The following NELL2 variants were observed in gnomAD, a reference collection of about 807,000 sequenced individuals.
NELL2 encodes the protein neural EGFL like 2, also known as protein kinase C-binding protein NELL2.
In NELL2, 41 loss-of-function variants were observed where a neutral mutation model predicts 109.6. The observed-to-expected ratio is 0.37, with a 90% CI of 0.29 to 0.49. The LOEUF (loss-of-function observed/expected upper bound fraction) is 0.49, where lower values mean the gene tolerates loss of function less well. Ranked by LOEUF, NELL2 falls within the 20% of genes least tolerant of loss-of-function variation. NELL2 has a pLI of 0.98. For missense variants in NELL2, 900 were observed against 1,008.3 expected, an observed-to-expected ratio of 0.89 and a Z score of 1.45; for synonymous variants, 355 against 344.7, an observed-to-expected ratio of 1.03 and a Z score of -0.33.
intron 2 of NELL2, among the ~76,000 whole-genome samples, chr12:44,828,514 T>C (rs1566485860): frequency 6.6e-6 from 1 of 152,224 alleles, no homozygotes; most frequent in Non-Finnish European, 1.5e-5. Flanking sequence ...AAAATGTGTG[T>C]TGGCTTAATG....
At chr12:44,565,964 C>T (rs1251819897) in intron 15 of NELL2, among the ~76,000 whole-genome samples, 1 of 152,038 alleles carries the variant, frequency 6.6e-6, no homozygotes, top group Non-Finnish European at 1.5e-5. Flanking sequence ...GATTGGTCTC[C>T]TCTGAATTTG....
Position 44,532,573 on chromosome 12 carries a change from G to A in NELL2, c.1804+8C>T, listed in dbSNP as rs1052336169. On this transcript the variant is annotated splice_region_variant and intron_variant, in intron 16 of 19. Transcript: ENST00000429094. ...TTCTTAAATTCTAGGTCTTCTCCTT[G>A]TACTGACCTTCACACGATTCTCCAC... is the stretch of plus-strand genomic sequence containing the variant. 1.2e-6 allele frequency: 2 copies of A among 1,612,430 alleles called. No homozygotes were observed. Among genetic ancestry groups the A allele is most frequent in the African/African-American group, 2.7e-5 (2 of 74,796 alleles).
At chr12:44,674,221 G>T (rs1948233411) in intron 12 of NELL2, among the ~76,000 whole-genome samples, 1 of 152,052 alleles carries the variant, frequency 6.6e-6, no homozygotes, top group Non-Finnish European at 1.5e-5. Flanking sequence ...TTCTGACTCT[G>T]CCCCCTCCTA....
At chr12:44,759,245 T>C (rs1396772843) in intron 9 of NELL2, among the ~76,000 whole-genome samples, 1 of 152,248 alleles carries the variant, frequency 6.6e-6, no homozygotes, top group African/African-American at 2.4e-5. Context: ...CTACAAGTTT[T>C]TCTATCCCTG....
intron 12 of NELL2, among the ~76,000 whole-genome samples, chr12:44,684,354 C>A (rs1056580556): frequency 6.6e-6 from 1 of 151,962 alleles, no homozygotes; most frequent in African/African-American, 2.4e-5. Flanking sequence ...TTTGTTGATC[C>A]TTTCAAAAAA....
chr12:44,542,860 A>C (rs981422700), intron 15 of NELL2, among the ~76,000 whole-genome samples: 1 of 152,160 alleles, frequency 6.6e-6, no homozygotes, highest in Non-Finnish European at 1.5e-5. Context: ...ATCTGGAGTT[A>C]TGTAGGTGTA....
intron 15 of NELL2, among the ~76,000 whole-genome samples, chr12:44,599,202 C>T (rs1206901603): frequency 6.6e-6 from 1 of 151,980 alleles, no homozygotes; most frequent in African/African-American, 2.4e-5. Context: ...CACCAAAAGT[C>T]CAAAACATAT....
At chr12:44,816,449 T>C (rs1225032310) in intron 2 of NELL2, among the ~76,000 whole-genome samples, 1 of 152,168 alleles carries the variant, frequency 6.6e-6, no homozygotes, top group Admixed American at 6.5e-5. Flanking sequence ...ACACAATTCC[T>C]ATATTCTAGA....
chr12:44,792,499 T>C (rs1238878379), intron 3 of NELL2, among the ~76,000 whole-genome samples: 1 of 152,120 alleles, frequency 6.6e-6, no homozygotes, highest in Non-Finnish European at 1.5e-5. Flanking sequence ...TAACTTTACA[T>C]TTTAACTATA....
chr12:44,804,130 C>T (rs1248795604), intron 3 of NELL2, among the ~76,000 whole-genome samples: 3 of 151,842 alleles, frequency 2.0e-5, no homozygotes, highest in African/African-American at 7.2e-5. Context: ...TTGATATATT[C>T]TATGATGCAT....
chr12:44,758,137 G>GAGAT (rs1490743921), intron 9 of NELL2, among the ~76,000 whole-genome samples: 2 of 151,978 alleles, frequency 1.3e-5, no homozygotes, highest in African/African-American at 4.8e-5. Context: ...TAAAGAGACT[G>GAGAT]TCCCAGCTGA....
chr12:44,751,364 G>A (rs1592460886), intron 9 of NELL2, among the ~76,000 whole-genome samples: 1 of 152,046 alleles, frequency 6.6e-6, no homozygotes, highest in South Asian at 2.1e-4. Flanking sequence ...AGTGGCTCAG[G>A]TGCTGGAAGT....
intron 2 of NELL2, among the ~76,000 whole-genome samples, chr12:44,826,345 T>C (rs1385557964): frequency 6.6e-6 from 1 of 152,216 alleles, no homozygotes; most frequent in Admixed American, 6.5e-5. Flanking sequence ...ATTATCATTT[T>C]TTTTCAGTAC....
At chr12:44,623,644 TTTAAGAGA>T (rs1180952211) in intron 13 of NELL2, among the ~76,000 whole-genome samples, 1 of 151,718 alleles carries the variant, frequency 6.6e-6, no homozygotes, top group Admixed American at 6.6e-5. Context: ...TTCAGGGGAG[TTTAAGAGA>T]TACTTTAATG....
chr12:44,919,548 T>A (rs1035335831), intron 1 of NELL2, among the ~76,000 whole-genome samples: 1 of 152,110 alleles, frequency 6.6e-6, no homozygotes, highest in African/African-American at 2.4e-5. Context: ...AATGTGACAG[T>A]GTCCTTATAA....
intron 13 of NELL2, among the ~76,000 whole-genome samples, chr12:44,654,288 TCA>T (rs1379231814): frequency 6.6e-6 from 1 of 152,212 alleles, no homozygotes. Context: ...TCACAATCAC[TCA>T]CACACAGTTC....
chr12:44,693,070 A>G (rs559343903), intron 12 of NELL2, among the ~76,000 whole-genome samples: 1 of 152,292 alleles, frequency 6.6e-6, no homozygotes, highest in East Asian at 1.9e-4. Flanking sequence ...GCTACAGAGA[A>G]ATCTCTCATG....
At chr12:44,515,219 A>G (rs543478723) in intron 19 of NELL2, among the ~76,000 whole-genome samples, 7 of 152,004 alleles carry the variant, frequency 4.6e-5, no homozygotes, top group Admixed American at 1.3e-4. Flanking sequence ...AAAAATAAGA[A>G]CAATACATTT....
chr12:44,876,888 G>A, upstream of NELL2: 1 of 1,287,008 alleles, frequency 7.8e-7, no homozygotes, highest in Non-Finnish European at 9.9e-7. Context: ...GAAGCCCCGG[G>A]TGTCCTGGTG....
Sources: gnomAD v4.1 joint callset for allele counts (sites outside exome capture counted in the v4.1 genomes callset) on GRCh38, gnomAD v4.1.1 for gene constraint, MANE v1.5 for transcripts, NCBI Gene and HGNC (gene_info 2026-07-23, HGNC 2026-07-21) for gene names.